PCDHGB7: variants seen among roughly 807,000 people sequenced by gnomAD.
PCDHGB7 encodes the protein protocadherin gamma-B7.
Under a neutral mutation model 61.4 loss-of-function variants are expected in PCDHGB7, and 37 were observed. The observed-to-expected ratio is 0.60, with a 90% CI of 0.46 to 0.79. PCDHGB7 has a LOEUF of 0.79. PCDHGB7 is among the 30% of genes least tolerant of loss of function. PCDHGB7 has a pLI of 0.00. For synonymous variants in PCDHGB7, 464 were observed against 503.5 expected (o/e 0.92, Z 1.05); for missense variants, 1,166 against 1,202.5 (o/e 0.97, Z 0.45).
rs930862898 is a variant in PCDHGB7 at position 141,480,073 on chromosome 5, C to A, written c.2416-14734C>A. ...GGAATAATAAGTGTTTTATAAGATT[C>A]ATGCATGATATAATGTATGCAAAGT... On this transcript the variant is annotated intron_variant, in intron 1 of 3. Coordinates refer to ENST00000398594, the MANE Select transcript of PCDHGB7 (RefSeq NM_018927.4). Among the ~76,000 whole-genome samples, 5 of 152,174 alleles carry A rather than the reference C, an allele frequency of 3.3e-5. No homozygotes were observed. In the South Asian group the frequency reaches 8.3e-4, roughly 25 times the overall value.
intron 1 of PCDHGB7, among the ~76,000 whole-genome samples, chr5:141,488,238 C>T (rs374846692): frequency 5.3e-5 from 8 of 152,036 alleles, no homozygotes; most frequent in Non-Finnish European, 1.0e-4. Flanking sequence ...GAACTAGATG[C>T]GGTAAATTGG....
At chr5:141,424,080 C>T (rs2096798143) in intron 1 of PCDHGB7, 1 of 970,378 alleles carries the variant, frequency 1.0e-6, no homozygotes, top group Admixed American at 6.0e-5. Context: ...AGTTATATTC[C>T]ACCATTATTT....
chr5:141,419,297 G>A lies in PCDHGB7; in HGVS notation c.1438G>A (p.Asp480Asn), dbSNP rs1460451634. The stretch of plus-strand genomic sequence containing the variant: ...AGCGCAAGTCAGTGCCTCTGACCCA[G>A]ACTTCGGGCTCAACGGCCGTGTCTC... ...SIAQVSASDP[D>N]FGLNGRVSYS... The change falls in exon 1 of 4, where the codon GAC becomes AAC. Residue 480 changes from aspartate to asparagine, a missense_variant. Asp to Asn is a conservative substitution (Grantham distance 23, BLOSUM62 1). Transcript: ENST00000398594. The A allele has an allele frequency of 6.2e-7, 1 of 1,614,048 alleles. No homozygotes were observed. The highest frequency in any genetic ancestry group is 1.7e-5 in the Admixed American group (1 of 60,036).
In PCDHGB7 at chr5:141,431,184, T is replaced by G. The variant is rs754537015; in HGVS notation, c.2415+10910T>G. The G allele has an allele frequency of 5.6e-6, 9 of 1,614,090 alleles. No homozygotes were observed. Among genetic ancestry groups the G allele is most frequent in the Non-Finnish European group, 6.8e-6 (8 of 1,180,050 alleles). ...CGTGAAAGTGAATTAGAAATAAAAA[T>G]TAGTGAAAATGCAGCCACTGAGATG... On this transcript the variant is annotated intron_variant, in intron 1 of 3. Transcript: ENST00000398594. The surrounding 1 kb of genome is among the most constrained non-coding windows in gnomAD (Gnocchi z 4.8).
At position 141,418,790 on chromosome 5, in the gene PCDHGB7, G is replaced by A. The variant is rs1434374059; in HGVS notation, c.931G>A (p.Glu311Lys). 2.5e-6 allele frequency: 4 copies of A among 1,613,758 alleles called. No individual in the cohort carries two copies. Among genetic ancestry groups the A allele is most frequent in the Admixed American group, 3.3e-5 (2 of 59,988 alleles). The part of the protein sequence containing the change: ...ILTQQPLDFE[E>K]VERYTINIEA... ...AACTCAGCAGCCTTTGGATTTTGAA[G>A]AAGTAGAAAGATATACGATAAACAT... Residue 311 changes from glutamate (E) to lysine (K), a missense_variant, in exon 1 of 4, where the codon GAA becomes AAA. Glu to Lys is a moderately conservative substitution (Grantham distance 56). Transcript: ENST00000398594.
In PCDHGB7 at chr5:141,491,856, C is replaced by A. The variant is rs754113958; in HGVS notation, c.2416-2951C>A. On this transcript the variant is annotated intron_variant, in intron 1 of 3. Coordinates refer to ENST00000398594, the MANE Select transcript of PCDHGB7 (RefSeq NM_018927.4). This position sits in a 1 kb window ranked among gnomAD's most constrained non-coding sequence, Gnocchi z 6.9. ...TCTCGGGATCATTGGACCGTTTGCG[C>A]GAAACCAGAGTGGCCGATTAAGGGA... 6.9e-7 allele frequency: 1 copy of A among 1,458,728 alleles called. No individual in the cohort carries two copies. The highest frequency in any genetic ancestry group is 9.1e-7 in the Non-Finnish European group (1 of 1,103,072). The allele number at this position is 1,458,728 out of a possible 1,614,324, so 90.4% of individuals were successfully genotyped here. A position where few individuals can be genotyped will look rare whatever the true frequency, so the allele number is the denominator to read the frequency against.
chr5:141,469,853 G>A (rs549678022), intron 1 of PCDHGB7, among the ~76,000 whole-genome samples: 5 of 152,270 alleles, frequency 3.3e-5, no homozygotes, highest in South Asian at 2.1e-4. Context: ...GATTCAGACC[G>A]GGTGCAATGG....
chr5:141,478,977 T>G (rs1004184325), intron 1 of PCDHGB7, among the ~76,000 whole-genome samples: 12 of 152,210 alleles, frequency 7.9e-5, no homozygotes, highest in Admixed American at 5.2e-4. Flanking sequence ...TTCAAGTGAT[T>G]GTGACATTTG....
intron 1 of PCDHGB7, among the ~76,000 whole-genome samples, chr5:141,467,441 T>C (rs919148544): frequency 6.6e-6 from 1 of 152,340 alleles, no homozygotes; most frequent in African/African-American, 2.4e-5. Context: ...CATTCATTAC[T>C]TTTTTCTTCC....
intron 2 of PCDHGB7, among the ~76,000 whole-genome samples, chr5:141,503,909 C>T (rs904260329): frequency 1.3e-5 from 2 of 152,156 alleles, no homozygotes; most frequent in Admixed American, 1.3e-4. Flanking sequence ...ACACACACAA[C>T]GCAACACACA....
At chr5:141,428,220 C>T (rs1228544858) in intron 1 of PCDHGB7, 1 of 1,178,786 alleles carries the variant, frequency 8.5e-7, no homozygotes. Flanking sequence ...ACCTAGTCTT[C>T]GCAGACAGCC....
chr5:141,503,910 G>A (rs1311674998), intron 2 of PCDHGB7, among the ~76,000 whole-genome samples: 1 of 152,062 alleles, frequency 6.6e-6, no homozygotes, highest in Admixed American at 6.6e-5. Flanking sequence ...CACACACAAC[G>A]CAACACACAC....
At chr5:141,494,181 C>T (rs2099752517) in intron 1 of PCDHGB7, among the ~76,000 whole-genome samples, 1 of 152,136 alleles carries the variant, frequency 6.6e-6, no homozygotes, top group Non-Finnish European at 1.5e-5. Flanking sequence ...GAGAAGTGTC[C>T]CGGGACTTGG....
At position 141,421,233 on chromosome 5, in the gene PCDHGB7, G is replaced by A. The variant is rs201076931; in HGVS notation, c.2415+959G>A. Reference sequence around the variant, plus strand: ...ATATCGGCTTAGAGCCTGCCATGGCGAATCGGCTACAGCGCGGGGACCGCA... The same window carrying A: ...ATATCGGCTTAGAGCCTGCCATGGCAAATCGGCTACAGCGCGGGGACCGCA... On this transcript the variant is annotated intron_variant, in intron 1 of 3. Coordinates refer to ENST00000398594, the MANE Select transcript of PCDHGB7 (RefSeq NM_018927.4). 1.4e-3 allele frequency: 2,185 copies of A among 1,592,236 alleles called. 58 individuals are homozygous for A. In the South Asian group the frequency reaches 0.024, roughly 17 times the overall value.
At chr5:141,425,209 A>ATCAT (rs1368049572) in intron 1 of PCDHGB7, among the ~76,000 whole-genome samples, 2 of 152,180 alleles carry the variant, frequency 1.3e-5, no homozygotes, top group Admixed American at 1.3e-4. Flanking sequence ...GATGTAAGGC[A>ATCAT]TTGTACTTTG....
At chr5:141,504,384 C>G (rs2099837898) in intron 2 of PCDHGB7, among the ~76,000 whole-genome samples, 1 of 152,026 alleles carries the variant, frequency 6.6e-6, no homozygotes, top group South Asian at 2.1e-4. Flanking sequence ...GAGTCGCTGC[C>G]TCACAGAAGC....
chr5:141,498,265 T>G (rs2099782779), intron 2 of PCDHGB7, among the ~76,000 whole-genome samples: 2 of 152,010 alleles, frequency 1.3e-5, no homozygotes, highest in Non-Finnish European at 2.9e-5. Context: ...TGTTGAGTTC[T>G]TCAGTAAACT....
intron 1 of PCDHGB7, among the ~76,000 whole-genome samples, chr5:141,451,644 G>A (rs1730833205): frequency 6.6e-6 from 1 of 152,178 alleles, no homozygotes; most frequent in Non-Finnish European, 1.5e-5. Context: ...CACTCTGAGA[G>A]GCCAAGGAGG....
At chr5:141,500,929 C>T (rs1347340945) in intron 2 of PCDHGB7, among the ~76,000 whole-genome samples, 2 of 151,210 alleles carry the variant, frequency 1.3e-5, no homozygotes, top group South Asian at 2.1e-4. Flanking sequence ...GGTGCAGTGG[C>T]GCCATCTCGG....
Sources: allele counts gnomAD v4.1 joint callset (sites outside exome capture counted in the v4.1 genomes callset), GRCh38; gene constraint gnomAD v4.1.1; non-coding constraint Gnocchi (gnomAD v3.1); transcripts MANE v1.5; gene names NCBI Gene and HGNC (gene_info 2026-07-23, HGNC 2026-07-21).